Variants in WDFY4 observed in about 807,000 individuals in gnomAD.
WDFY4 encodes the protein WD repeat- and FYVE domain-containing protein 4.
A neutral mutation model predicts 351.9 loss-of-function variants in WDFY4; 169 were observed. That is an observed-to-expected ratio of 0.48 (90% CI 0.42 to 0.55). WDFY4 has a LOEUF of 0.55. WDFY4 is among the 20% of genes least tolerant of loss of function. The probability of loss-of-function intolerance (pLI) is 0.00; values close to 1 mark genes in which losing one functional copy is unlikely to be tolerated. For missense variants in WDFY4, 3,803 were observed against 3,935.6 expected (o/e 0.97, Z 0.90); for synonymous variants, 1,622 against 1,574.6 (o/e 1.03, Z -0.71).
At chr10:48,958,769 G>A (rs935451726) in intron 52 of WDFY4, among the ~76,000 whole-genome samples, 2 of 152,148 alleles carry the variant, frequency 1.3e-5, no homozygotes, top group African/African-American at 4.8e-5. Flanking sequence ...GAGGAAAATA[G>A]GTAGGAAAAT....
intron 1 of WDFY4, among the ~76,000 whole-genome samples, chr10:48,700,480 G>T (rs1006734741): frequency 1.3e-5 from 2 of 152,178 alleles, no homozygotes; most frequent in Non-Finnish European, 2.9e-5. Context: ...CTCCCTTCCC[G>T]GAACTAACCC....
intron 39 of WDFY4, among the ~76,000 whole-genome samples, chr10:48,850,264 G>A (rs939289984): frequency 4.6e-5 from 7 of 152,176 alleles, no homozygotes; most frequent in East Asian, 1.9e-4. Flanking sequence ...TCCAATGTCT[G>A]GAAGGGGATT....
chr10:48,729,255 T>G lies in WDFY4; in HGVS notation c.972-177T>G, dbSNP rs185480901. ...CTTCTTTGGATCTAAGACTGACATC[T>G]GCAGAGTGGTGTTTATCCAGGGCGC... On this transcript the variant is annotated intron_variant, in intron 7 of 61. Transcript: ENST00000325239. Among the ~76,000 whole-genome samples the G allele has an allele frequency of 3.2e-3, 489 of 152,372 alleles. 1 individual carries two copies. The highest frequency in any genetic ancestry group is 0.011 in the African/African-American group (450 of 41,584).
chr10:48,914,217 G>A, intron 47 of WDFY4: 1 of 1,506,186 alleles, frequency 6.6e-7, no homozygotes, highest in Non-Finnish European at 8.9e-7. Flanking sequence ...TCAGTGTGAG[G>A]AAAAATCATG....
At chr10:48,937,111 C>T (rs1840428356) in intron 47 of WDFY4, among the ~76,000 whole-genome samples, 1 of 151,990 alleles carries the variant, frequency 6.6e-6, no homozygotes, top group Non-Finnish European at 1.5e-5. Context: ...CTAGGCTGGT[C>T]TCGAACTCCT....
intron 11 of WDFY4, among the ~76,000 whole-genome samples, chr10:48,742,536 T>G (rs1446717070): frequency 2.0e-5 from 3 of 152,192 alleles, no homozygotes; most frequent in Non-Finnish European, 4.4e-5. Context: ...TGTTCCACAG[T>G]AGTAAGGAAG....
chr10:48,768,211 G>T (rs996634706), intron 13 of WDFY4, among the ~76,000 whole-genome samples: 1 of 152,196 alleles, frequency 6.6e-6, no homozygotes, highest in African/African-American at 2.4e-5. Context: ...TCTCCAAGCA[G>T]TTCTCAAGAG....
intron 37 of WDFY4, among the ~76,000 whole-genome samples, chr10:48,829,784 G>A (rs1398577149): frequency 6.6e-6 from 1 of 152,142 alleles, no homozygotes; most frequent in Non-Finnish European, 1.5e-5. Context: ...CCTGGGAGGA[G>A]GAGGTTGCAG....
intron 58 of WDFY4, chr10:48,976,475 C>T (rs190059785): frequency 2.0e-5 from 4 of 195,726 alleles, no homozygotes; most frequent in African/African-American, 6.9e-5. Flanking sequence ...CCAGGGCTAC[C>T]CTTCAGGCTG....
rs138509141 is a variant in WDFY4, at chr10:48,955,736, GC to G, written c.7978-1389del. On this transcript the variant is annotated intron_variant, in intron 51 of 61. Transcript: ENST00000325239. ...CATGGACCAGACATGCCAAGAGAAG[GC>G]CCCTGCCCTTTTTTACCTCCACCCA... 3.5e-3 allele frequency among the ~76,000 whole-genome samples: 533 copies of G among 152,294 alleles called. 8 individuals are homozygous for G. Among genetic ancestry groups the G allele is most frequent in the African/African-American group, 0.012 (506 of 41,560 alleles).
intron 39 of WDFY4, among the ~76,000 whole-genome samples, chr10:48,851,312 T>C (rs1201853069): frequency 1.3e-5 from 2 of 152,362 alleles, no homozygotes; most frequent in Admixed American, 1.3e-4. Context: ...CATATGTGGA[T>C]GCTTAAATTG....
intron 52 of WDFY4, among the ~76,000 whole-genome samples, chr10:48,959,399 A>G (rs565692265): frequency 4.6e-5 from 7 of 152,308 alleles, no homozygotes; most frequent in African/African-American, 1.7e-4. Context: ...CTGTGTAAAA[A>G]GCACCCAGAA....
At chr10:48,972,795 C>G (rs367606670) in intron 57 of WDFY4, among the ~76,000 whole-genome samples, 1 of 152,132 alleles carries the variant, frequency 6.6e-6, no homozygotes, top group Non-Finnish European at 1.5e-5. Context: ...CAAGAGCACC[C>G]GTTTCATGGC....
intron 13 of WDFY4, 81 bp from the exon 14 acceptor site, chr10:48,774,377 C>G: frequency 6.9e-7 from 1 of 1,444,884 alleles, no homozygotes; most frequent in Non-Finnish European, 9.5e-7. Context: ...CAACTCACCC[C>G]AGGCCAAGTT....
Position 48,762,098 on chromosome 10 carries a change from C to T in WDFY4, c.2553+1658C>T, listed in dbSNP as rs73308058. 9.5e-3 allele frequency among the ~76,000 whole-genome samples: 1,452 copies of T among 152,248 alleles called. 18 individuals carry two copies. The highest frequency in any genetic ancestry group is 0.033 in the African/African-American group (1,388 of 41,532). On this transcript the variant is annotated intron_variant, in intron 13 of 61. Transcript: ENST00000325239. The stretch of plus-strand genomic sequence containing the variant: ...ATGAGGAGTCCAGCTTTGCTTTGTC[C>T]AGGAGTTCAGACGGAGGCAACATGT...
intron 13 of WDFY4, among the ~76,000 whole-genome samples, chr10:48,770,912 T>C (rs2132588229): frequency 6.6e-6 from 1 of 152,308 alleles, no homozygotes; most frequent in South Asian, 2.1e-4. Flanking sequence ...TGCTGGCAAA[T>C]GGTCACATTT....
chr10:48,946,816 G>C (rs1469006769), intron 50 of WDFY4, 44 bp from the exon 51 acceptor site: 2 of 1,415,534 alleles, frequency 1.4e-6, no homozygotes, highest in Non-Finnish European at 2.0e-6. Context: ...CCACGTGTGA[G>C]TGCAGGTAAG....
chr10:48,918,556 G>C (rs1470511424), intron 47 of WDFY4, among the ~76,000 whole-genome samples: 1 of 152,142 alleles, frequency 6.6e-6, no homozygotes, highest in Non-Finnish European at 1.5e-5. Context: ...CCTAACAGCA[G>C]AGCTTCAATT....
At chr10:48,788,441 G>C in intron 20 of WDFY4, 89 bp from the exon 21 acceptor site, 8 of 1,414,008 alleles carry the variant, frequency 5.7e-6, no homozygotes, top group Non-Finnish European at 7.6e-6. Flanking sequence ...TGATTACTTT[G>C]CTGTGTGACA....
Sources: gnomAD v4.1 joint callset for allele counts (sites outside exome capture counted in the v4.1 genomes callset) on GRCh38, gnomAD v4.1.1 for gene constraint, MANE v1.5 for transcripts, NCBI Gene and HGNC (gene_info 2026-07-23, HGNC 2026-07-21) for gene names.